The following NAPA variants were observed in gnomAD, a reference collection of about 807,000 sequenced individuals.
NAPA encodes the protein alpha-soluble NSF attachment protein.
Under a neutral mutation model 48.0 loss-of-function variants are expected in NAPA, and 18 were observed. The observed-to-expected ratio is 0.38, with a 90% CI of 0.26 to 0.56. The LOEUF (loss-of-function observed/expected upper bound fraction) is 0.56. Among genes scored for constraint, NAPA ranks in the 20% least tolerant of loss-of-function variants. The pLI, the probability that NAPA is intolerant of heterozygous loss-of-function variation, is 0.77. For synonymous variants in NAPA, 152 were observed against 149.9 expected (o/e 1.01, Z -0.10); for missense variants, 315 against 385.0 (o/e 0.82, Z 1.52).
In NAPA at chr19:47,488,324, C is replaced by T. The variant is rs776773022; in HGVS notation, c.852G>A (p.Lys284=). The change falls in exon 11 of 11, where the codon AAG becomes AAA. Residue 284 remains lysine (K), a synonymous_variant. Coordinates refer to ENST00000263354, the MANE Select transcript of NAPA (RefSeq NM_003827.4). ...QWLTTMLLRI[K]KTIQGDEEDL... is the part of the protein sequence containing the mutation. ...CCTCCTCATCGCCCTGGATGGTCTT[C>T]TTGATGCGCAGCAGCATGGTGGTGA... The T allele has an allele frequency of 6.2e-7, 1 of 1,613,574 alleles. No homozygotes were observed. Among genetic ancestry groups the T allele is most frequent in the African/African-American group, 1.3e-5 (1 of 74,914 alleles).
intron 3 of NAPA, among the ~76,000 whole-genome samples, chr19:47,498,729 C>T (rs117003340): frequency 6.6e-6 from 1 of 152,202 alleles, no homozygotes; most frequent in African/African-American, 2.4e-5. Flanking sequence ...TTGTGTGAGG[C>T]CTGACTAGCC....
chr19:47,492,906 G>C, intron 7 of NAPA, 55 bp downstream of exon 7: 1 of 1,563,232 alleles, frequency 6.4e-7, no homozygotes, highest in Non-Finnish European at 8.8e-7. Context: ...CTTAGGAGGA[G>C]GCACAGGCCC....
intron 1 of NAPA, 132 bp downstream of exon 1, chr19:47,514,711 C>T (rs1968871844): frequency 2.4e-6 from 2 of 822,322 alleles, no homozygotes; most frequent in East Asian, 2.7e-5. Context: ...CGCCTCAGGC[C>T]ATGTCACCTT....
chr19:47,513,853 T>TA (rs1968852659), intron 1 of NAPA, among the ~76,000 whole-genome samples: 1 of 141,320 alleles, frequency 7.1e-6, no homozygotes, highest in East Asian at 2.0e-4. Flanking sequence ...TTTCTTTTTT[T>TA]TTTTTTTTTT....
intron 3 of NAPA, chr19:47,497,024 G>A (rs1968444304): frequency 3.2e-6 from 1 of 312,582 alleles, no homozygotes. Context: ...AGGAAGGGGA[G>A]AGAACACAAC....
chr19:47,493,148 T>G lies in NAPA; in HGVS notation c.447A>C (p.Ala149=), dbSNP rs756248956. The G allele has an allele frequency of 6.2e-7, 1 of 1,606,088 alleles. No homozygotes were observed. The highest frequency in any genetic ancestry group is 1.1e-5 in the South Asian group (1 of 90,056). Residue 149 remains alanine (A), a synonymous_variant, in exon 6 of 11, where the codon GCA becomes GCC. Transcript: ENST00000263354. This position sits in a 1 kb window ranked among gnomAD's most constrained non-coding sequence, Gnocchi z 6.4. ...TGGACTCCTCGCCTTTGTAGTAGTC[T>G]GCAGACTGCTCGTAGTGGGCAATGG... ...EKAIAHYEQS[A]DYYKGEESNS...
At chr19:47,491,058 G>A in intron 8 of NAPA, 1 of 512,998 alleles carries the variant, frequency 1.9e-6, no homozygotes. Flanking sequence ...CTGCAGAGAT[G>A]GCTGCAGGGA....
chr19:47,489,809 G>C, intron 9 of NAPA, 48 bp from the exon 10 acceptor site: 5 of 1,602,646 alleles, frequency 3.1e-6, no homozygotes, highest in Non-Finnish European at 4.3e-6. Context: ...CTGACCTGAG[G>C]TCTGGCCTGG....
intron 4 of NAPA, among the ~76,000 whole-genome samples, chr19:47,494,731 G>C (rs1002022311): frequency 1.3e-4 from 11 of 85,262 alleles, no homozygotes; most frequent in African/African-American, 4.0e-4. Context: ...GAGAAACTCT[G>C]TCTCAAAAAA....
rs1568463952 is a variant in NAPA, at chr19:47,492,059, TG to T, written c.621del (p.Phe207LeufsTer37). ...ATGCAGAAGTGGCAGAGGGCCGCCT[TG>T]AAGAAGTAGTCTTTGGCGCTGTACT... ...LLKYSAKDYF[F>X]KAALCHFCID... On this transcript the variant is annotated frameshift_variant, in exon 8 of 11. Coordinates refer to ENST00000263354, the MANE Select transcript of NAPA (RefSeq NM_003827.4). LOFTEE classifies it high-confidence loss of function. 1 of 1,614,088 alleles carries T rather than the reference TG, an allele frequency of 6.2e-7. No individual in the cohort carries two copies. Among genetic ancestry groups the T allele is most frequent in the African/African-American group, 1.3e-5 (1 of 75,040 alleles).
intron 1 of NAPA, among the ~76,000 whole-genome samples, chr19:47,504,397 CAAAAAAAA>C (rs11367620): frequency 1.7e-5 from 1 of 57,210 alleles, no homozygotes; most frequent in Non-Finnish European, 3.4e-5. Context: ...GACCTTGTCT[CAAAAAAAA>C]AAAAAAAAAA....
intron 10 of NAPA, chr19:47,489,398 G>A (rs1313615765): frequency 2.4e-6 from 1 of 424,212 alleles, no homozygotes; most frequent in Non-Finnish European, 4.4e-6. Context: ...CACTCACCTG[G>A]GGGACTCAAG....
intron 10 of NAPA, 182 bp downstream of exon 10, chr19:47,489,529 A>G: frequency 2.9e-6 from 2 of 680,342 alleles, no homozygotes; most frequent in East Asian, 2.7e-5. Flanking sequence ...AATGGGGAGA[A>G]CACTCCCTGC....
intron 2 of NAPA, among the ~76,000 whole-genome samples, chr19:47,502,732 G>A (rs1424412755): frequency 2.0e-5 from 3 of 152,308 alleles, no homozygotes; most frequent in Non-Finnish European, 4.4e-5. Context: ...TGGACTTCTT[G>A]GGCCTGCAGG....
In NAPA at chr19:47,515,000, G is replaced by C; in HGVS notation, c.-60C>G. The C allele has an allele frequency of 6.5e-7, 1 of 1,540,480 alleles. No individual in the cohort carries two copies. The highest frequency in any genetic ancestry group is 8.9e-7 in the Non-Finnish European group (1 of 1,126,374). ...CCTGACCCTGGGAAGACTCAGCCGC[G>C]GCCGGGCCGCGGAACACAGATCGGT... On this transcript the variant is annotated 5_prime_UTR_variant, in exon 1 of 11. Coordinates refer to ENST00000263354, the MANE Select transcript of NAPA (RefSeq NM_003827.4).
intron 9 of NAPA, among the ~76,000 whole-genome samples, chr19:47,490,432 T>C (rs1316696698): frequency 2.0e-5 from 2 of 97,692 alleles, no homozygotes; most frequent in South Asian, 7.0e-4. Context: ...ATGTGTGTGG[T>C]GTGGTGTGAT....
downstream of NAPA, among the ~76,000 whole-genome samples, chr19:47,487,041 A>G (rs1328053608): frequency 6.6e-6 from 1 of 152,146 alleles, no homozygotes; most frequent in Non-Finnish European, 1.5e-5. Flanking sequence ...GCACATGTGT[A>G]CCAGACAGGG....
rs557428771 is a variant in NAPA at position 47,493,191 on chromosome 19, G to C, written c.421-17C>G. On this transcript the variant is annotated splice_polypyrimidine_tract_variant and intron_variant, in intron 5 of 10. Coordinates refer to ENST00000263354, the MANE Select transcript of NAPA (RefSeq NM_003827.4). This position sits in a 1 kb window ranked among gnomAD's most constrained non-coding sequence, Gnocchi z 6.4. ...GGCAATGGCCTGGGGAGACACGGGG[G>C]ATGGGTTCCAGGGGAGGGCAGGGAA... 5 of 1,577,070 alleles carry C rather than the reference G, an allele frequency of 3.2e-6. No homozygotes were observed. Among genetic ancestry groups the C allele is most frequent in the Non-Finnish European group, 4.3e-6 (5 of 1,158,624 alleles).
chr19:47,508,857 A>G (rs944405007), intron 1 of NAPA, among the ~76,000 whole-genome samples: 6 of 152,014 alleles, frequency 3.9e-5, no homozygotes, highest in African/African-American at 1.4e-4. Context: ...AGGCCGAAGC[A>G]GGAGGGTTGC....
Sources: gnomAD v4.1 joint callset for allele counts (sites outside exome capture counted in the v4.1 genomes callset) on GRCh38, gnomAD v4.1.1 for gene constraint, Gnocchi (gnomAD v3.1) non-coding constraint, MANE v1.5 for transcripts, NCBI Gene and HGNC (gene_info 2026-07-23, HGNC 2026-07-21) for gene names.